AMOTL1: variants seen among roughly 807,000 people sequenced by gnomAD.
The protein encoded by AMOTL1 is angiomotin like 1, also known as angiomotin-like protein 1.
In AMOTL1, 45 loss-of-function variants were observed where a neutral mutation model predicts 102.9. That is an observed-to-expected ratio of 0.44 (90% CI 0.34 to 0.56). The LOEUF (loss-of-function observed/expected upper bound fraction) is 0.56. Among genes scored for constraint, AMOTL1 ranks in the 20% least tolerant of loss-of-function variants. The pLI is 0.01. For synonymous variants in AMOTL1, 481 were observed against 484.7 expected (o/e 0.99, Z 0.10); for missense variants, 1,114 against 1,225.6 (o/e 0.91, Z 1.36).
At chr11:94,821,081 G>A (rs375480366) in intron 3 of AMOTL1, among the ~76,000 whole-genome samples, 16 of 152,102 alleles carry the variant, frequency 1.1e-4, no homozygotes, top group East Asian at 7.7e-4. Context: ...TTCTTCACCC[G>A]CTCTGTCCAA....
At chr11:94,840,654 GTATATATATATATA>G (rs551220386) in intron 6 of AMOTL1, among the ~76,000 whole-genome samples, 1 of 111,288 alleles carries the variant, frequency 9.0e-6, no homozygotes, top group African/African-American at 4.0e-5. Flanking sequence ...CTTAAAAAAC[GTATATATATATATA>G]TATATATATA....
intron 3 of AMOTL1, among the ~76,000 whole-genome samples, chr11:94,755,833 C>T (rs1950717223): frequency 6.6e-6 from 1 of 152,138 alleles, no homozygotes; most frequent in Non-Finnish European, 1.5e-5. Flanking sequence ...TTCAGTTTTG[C>T]TGTCTGCAGG....
intron 3 of AMOTL1, among the ~76,000 whole-genome samples, chr11:94,748,617 TCTTA>T (rs1406592357): frequency 6.6e-6 from 1 of 152,236 alleles, no homozygotes; most frequent in African/African-American, 2.4e-5. Flanking sequence ...TAGCTCCACC[TCTTA>T]CTTGCTTTAT....
In AMOTL1 at chr11:94,799,613, G is replaced by A. The variant is rs1305107122; in HGVS notation, c.423G>A (p.Thr141=). 14 of 1,613,706 alleles carry A rather than the reference G, an allele frequency of 8.7e-6. No homozygotes were observed. Among genetic ancestry groups the A allele is most frequent in the Middle Eastern group, 1.6e-4 (1 of 6,084 alleles). The change falls in exon 3 of 13, where the codon ACG becomes ACA. Residue 141 remains threonine, a synonymous_variant. Transcript: ENST00000433060. This position sits in a 1 kb window ranked among gnomAD's most constrained non-coding sequence, Gnocchi z 4.5. ...ATCCTACAAACAACTTTTCTTCCAC[G>A]GAAAACCTCACTCAAGAAGACCCAC... ...PAHPTNNFSS[T]ENLTQEDPQM... is the part of the protein sequence containing the mutation.
intron 4 of AMOTL1, among the ~76,000 whole-genome samples, chr11:94,824,148 AC>A (rs1268254873): frequency 6.6e-6 from 1 of 152,162 alleles, no homozygotes; most frequent in Admixed American, 6.5e-5. Context: ...GATTTTGATG[AC>A]CTCTGGAAGA....
chr11:94,849,947 C>T (rs1952496663), intron 6 of AMOTL1, among the ~76,000 whole-genome samples, 167 bp from the exon 7 acceptor site: 1 of 152,104 alleles, frequency 6.6e-6, no homozygotes, highest in Non-Finnish European at 1.5e-5. Context: ...TTGAGAAAAC[C>T]ATTACCTTCC....
intron 1 of AMOTL1, among the ~76,000 whole-genome samples, chr11:94,706,906 C>T (rs533362604): frequency 2.0e-5 from 3 of 152,108 alleles, no homozygotes; most frequent in Non-Finnish European, 2.9e-5. Context: ...TAAGTGGACT[C>T]CTTTGGGCTA....
intron 6 of AMOTL1, among the ~76,000 whole-genome samples, chr11:94,848,968 A>C (rs1952476941): frequency 6.6e-6 from 1 of 152,222 alleles, no homozygotes; most frequent in Non-Finnish European, 1.5e-5. Context: ...TCGCTTCCAG[A>C]CTTGGGTTCT....
Position 94,800,943 on chromosome 11 carries a change from AC to A in AMOTL1, c.1121+634del, listed in dbSNP as rs1406737952. ...CCAGTTGATTGATGGATTCAGCAGC[AC>A]CTACTGAGTGTATGCTGTACTCTGA... is the stretch of plus-strand genomic sequence containing the variant. On this transcript the variant is annotated intron_variant, in intron 3 of 12. Transcript: ENST00000433060. 2.0e-5 allele frequency among the ~76,000 whole-genome samples: 3 copies of A among 152,096 alleles called. No homozygotes were observed. In the East Asian group the frequency reaches 5.8e-4, roughly 29 times the overall value.
chr11:94,752,653 C>G (rs1268438486), intron 3 of AMOTL1, among the ~76,000 whole-genome samples: 1 of 152,208 alleles, frequency 6.6e-6, no homozygotes, highest in Non-Finnish European at 1.5e-5. Context: ...GATGGTAAGA[C>G]TTATTAACCT....
intron 1 of AMOTL1, among the ~76,000 whole-genome samples, chr11:94,787,152 G>A (rs984469342): frequency 6.6e-6 from 1 of 151,994 alleles, no homozygotes; most frequent in African/African-American, 2.4e-5. Context: ...GAAATTGGGG[G>A]GAGGAGGGAA....
At chr11:94,721,152 G>T (rs1280290342) in intron 1 of AMOTL1, among the ~76,000 whole-genome samples, 3 of 152,022 alleles carry the variant, frequency 2.0e-5, no homozygotes, top group Non-Finnish European at 4.4e-5. Flanking sequence ...TTTCCTTTGG[G>T]ATGGGGTCTG....
Position 94,821,825 on chromosome 11 carries a change from C to T in AMOTL1, c.1413+4C>T, listed in dbSNP as rs375805156. The stretch of plus-strand genomic sequence containing the variant: ...CAATGCCGACAAGCTCCACAAGGTG[C>T]GTGACTTCCCTGGGGAATGGGAGGG... On this transcript the variant is annotated splice_donor_region_variant and intron_variant, in intron 4 of 12. Coordinates refer to ENST00000433060, the MANE Select transcript of AMOTL1 (RefSeq NM_130847.3). 338 of 1,612,046 alleles carry T rather than the reference C, an allele frequency of 2.1e-4. No homozygotes were observed. The highest frequency in any genetic ancestry group is 2.6e-4 in the Non-Finnish European group (308 of 1,178,516).
chr11:94,810,867 C>T (rs1951668327), intron 3 of AMOTL1, among the ~76,000 whole-genome samples: 1 of 148,852 alleles, frequency 6.7e-6, no homozygotes, highest in Admixed American at 6.6e-5. Flanking sequence ...CACACACACA[C>T]ACGCGTACAC....
At chr11:94,709,671 C>T (rs1226455700) in intron 1 of AMOTL1, among the ~76,000 whole-genome samples, 1 of 152,116 alleles carries the variant, frequency 6.6e-6, no homozygotes, top group Non-Finnish European at 1.5e-5. Flanking sequence ...TAAATAACTC[C>T]AGCCCCCACC....
intron 1 of AMOTL1, among the ~76,000 whole-genome samples, chr11:94,785,248 GA>G (rs797000305): frequency 3.4e-4 from 52 of 152,002 alleles, no homozygotes; most frequent in African/African-American, 1.2e-3. Context: ...AATTTGGTGG[GA>G]AAAAAAAGAC....
intron 4 of AMOTL1, 24 bp from the exon 5 acceptor site, chr11:94,830,026 T>G: frequency 1.3e-6 from 2 of 1,576,290 alleles, no homozygotes; most frequent in South Asian, 1.2e-5. Context: ...AAGGTACCAC[T>G]TTAATGCCAG....
intron 3 of AMOTL1, among the ~76,000 whole-genome samples, chr11:94,816,725 A>G (rs1475514746): frequency 2.0e-5 from 3 of 152,154 alleles, no homozygotes; most frequent in Non-Finnish European, 4.4e-5. Context: ...CAGGACACCA[A>G]GTCCTCTTCA....
Position 94,799,363 on chromosome 11 carries a change from A to C in AMOTL1, c.200-27A>C, listed in dbSNP as rs1163417950. The C allele has an allele frequency of 6.6e-7, 1 of 1,519,566 alleles. No homozygotes were observed. The highest frequency in any genetic ancestry group is 1.3e-5 in the South Asian group (1 of 79,538). The allele number at this position is 1,519,566 out of a possible 1,614,324, so 94.1% of individuals were successfully genotyped here. The stretch of plus-strand genomic sequence containing the variant: ...TATATCTCCTGTGGAGCTGCCTGAT[A>C]TCTTTTTTCCTATGTTTATCTTTTA... On this transcript the variant is annotated intron_variant, in intron 2 of 12. Transcript: ENST00000433060. This position sits in a 1 kb window ranked among gnomAD's most constrained non-coding sequence, Gnocchi z 4.5.
Sources: allele counts gnomAD v4.1 joint callset (sites outside exome capture counted in the v4.1 genomes callset), GRCh38; gene constraint gnomAD v4.1.1; non-coding constraint Gnocchi (gnomAD v3.1); transcripts MANE v1.5; gene names NCBI Gene and HGNC (gene_info 2026-07-23, HGNC 2026-07-21).